The following ZNHIT6 variants were observed in gnomAD, a reference collection of about 807,000 sequenced individuals.
ZNHIT6 encodes the protein zinc finger HIT-type containing 6, also known as box C/D snoRNA protein 1.
In ZNHIT6, 45 loss-of-function variants were observed where a neutral mutation model predicts 57.2. The observed-to-expected ratio is 0.79, with a 90% CI of 0.62 to 1.01. The LOEUF (loss-of-function observed/expected upper bound fraction) is 1.01. Ranked by LOEUF, ZNHIT6 falls within the 50% of genes least tolerant of loss-of-function variation. The pLI is 0.00. For synonymous variants in ZNHIT6, 188 were observed against 190.0 expected (o/e 0.99, Z 0.09); for missense variants, 528 against 567.3 (o/e 0.93, Z 0.70).
rs1660859181 is a variant in ZNHIT6 at position 85,649,904 on chromosome 1, A to G, written c.*4154T>C. The G allele has an allele frequency of 2.6e-5, 4 of 152,230 alleles. No homozygotes were observed. In the South Asian group the frequency reaches 8.3e-4, roughly 32 times the overall value. 9.4% of individuals were successfully genotyped at this position (152,230 alleles called of 1,614,324 possible). ...ATAATGGCAACTCAAAGCAGCAATAATAAGAAGAAGAGATTAAAATCTCTA... is the reference window on the plus strand; with the variant it reads ...ATAATGGCAACTCAAAGCAGCAATAGTAAGAAGAAGAGATTAAAATCTCTA... On this transcript the variant is annotated 3_prime_UTR_variant, in exon 10 of 10. Coordinates refer to ENST00000370574, the MANE Select transcript of ZNHIT6 (RefSeq NM_017953.4).
At chr1:85,678,048 A>C (rs1242642447) in intron 7 of ZNHIT6, among the ~76,000 whole-genome samples, 1 of 152,210 alleles carries the variant, frequency 6.6e-6, no homozygotes, top group Non-Finnish European at 1.5e-5. Context: ...GATGAGAAAA[A>C]ATAAGGCCTG....
chr1:85,696,387 T>C (rs1390742616), intron 5 of ZNHIT6, among the ~76,000 whole-genome samples: 1 of 152,158 alleles, frequency 6.6e-6, no homozygotes, highest in East Asian at 1.9e-4. Flanking sequence ...GAACATGTCA[T>C]GGATAGTATT....
intron 4 of ZNHIT6, among the ~76,000 whole-genome samples, chr1:85,704,440 G>C (rs925532197): frequency 1.3e-5 from 2 of 152,056 alleles, no homozygotes; most frequent in Non-Finnish European, 2.9e-5. Context: ...AAAGAAATGA[G>C]AAAAGATCAG....
intron 8 of ZNHIT6, among the ~76,000 whole-genome samples, chr1:85,669,762 C>T (rs1369556862): frequency 6.6e-6 from 1 of 152,070 alleles, no homozygotes; most frequent in East Asian, 1.9e-4. Flanking sequence ...ATGCCCATGC[C>T]CTCCACTGGG....
chr1:85,694,540 C>T (rs943471748), intron 5 of ZNHIT6, among the ~76,000 whole-genome samples: 3 of 151,946 alleles, frequency 2.0e-5, no homozygotes, highest in African/African-American at 7.3e-5. Context: ...TGGCTCACTG[C>T]AAGCTCCGCC....
At chr1:85,687,068 G>A (rs1386271196) in intron 5 of ZNHIT6, among the ~76,000 whole-genome samples, 1 of 151,140 alleles carries the variant, frequency 6.6e-6, no homozygotes, top group Admixed American at 6.6e-5. Flanking sequence ...TCAGGAGTTC[G>A]AGACAAGCCT....
chr1:85,676,413 T>G (rs906590521), intron 8 of ZNHIT6, among the ~76,000 whole-genome samples: 4 of 152,122 alleles, frequency 2.6e-5, no homozygotes, highest in Non-Finnish European at 5.9e-5. Flanking sequence ...TTTAATTTCC[T>G]TCAAGAATTT....
At chr1:85,662,788 T>C (rs1661261939) in intron 8 of ZNHIT6, among the ~76,000 whole-genome samples, 2 of 152,176 alleles carry the variant, frequency 1.3e-5, no homozygotes, top group East Asian at 1.9e-4. Context: ...TCATGAATTG[T>C]GTAGTACAGA....
intron 5 of ZNHIT6, among the ~76,000 whole-genome samples, chr1:85,693,562 T>C (rs925773787): frequency 2.0e-5 from 3 of 152,140 alleles, no homozygotes; most frequent in Non-Finnish European, 4.4e-5. Flanking sequence ...TTTTCCAGAA[T>C]TGTCATATTT....
chr1:85,674,794 A>G lies in ZNHIT6; in HGVS notation c.1247+2442T>C, dbSNP rs555589012. On this transcript the variant is annotated intron_variant, in intron 8 of 9. Coordinates refer to ENST00000370574, the MANE Select transcript of ZNHIT6 (RefSeq NM_017953.4). The stretch of plus-strand genomic sequence containing the variant: ...TTAGTCTCACAAGCCTACTAAGAGA[A>G]TATCTCTGAGGGCTAATGTGTCCAC... Among the ~76,000 whole-genome samples, 9 of 152,312 alleles carry G rather than the reference A, an allele frequency of 5.9e-5. No homozygotes were observed. In the East Asian group the frequency reaches 1.5e-3, roughly 26 times the overall value.
At chr1:85,674,998 T>C (rs1661660230) in intron 8 of ZNHIT6, among the ~76,000 whole-genome samples, 1 of 152,184 alleles carries the variant, frequency 6.6e-6, no homozygotes, top group Admixed American at 6.5e-5. Flanking sequence ...AAATGTGTAC[T>C]GTAAGTCCAT....
At position 85,654,025 on chromosome 1, in the gene ZNHIT6, G is replaced by A; in HGVS notation, c.*33C>T. ...ATGCAGAGTCTGCTGCAGTTGTCTG[G>A]AAGTTTTCACTTTCTTCTTCCAGAA... is the stretch of plus-strand genomic sequence containing the variant. On this transcript the variant is annotated 3_prime_UTR_variant, in exon 10 of 10. Transcript: ENST00000370574. 1 of 1,604,898 alleles carries A rather than the reference G, an allele frequency of 6.2e-7. No homozygotes were observed. The highest frequency in any genetic ancestry group is 8.5e-7 in the Non-Finnish European group (1 of 1,173,568).
rs559873231 is a variant in ZNHIT6, at chr1:85,654,015, C to T, written c.*43G>A. Reference sequence around the variant, plus strand: ...CAGCCCATCAATGCAGAGTCTGCTGCAGTTGTCTGGAAGTTTTCACTTTCT... The same window carrying T: ...CAGCCCATCAATGCAGAGTCTGCTGTAGTTGTCTGGAAGTTTTCACTTTCT... On this transcript the variant is annotated 3_prime_UTR_variant, in exon 10 of 10. Coordinates refer to ENST00000370574, the MANE Select transcript of ZNHIT6 (RefSeq NM_017953.4). 3 of 1,578,472 alleles carry T rather than the reference C, an allele frequency of 1.9e-6. No individual in the cohort carries two copies. The highest frequency in any genetic ancestry group is 3.4e-5 in the Admixed American group (2 of 59,144).
intron 8 of ZNHIT6, among the ~76,000 whole-genome samples, chr1:85,664,759 C>A (rs776488012): frequency 6.6e-6 from 1 of 151,878 alleles, no homozygotes; most frequent in Non-Finnish European, 1.5e-5. Flanking sequence ...GTACACGTAC[C>A]CCTGAACCTA....
chr1:85,655,963 C>T (rs74097066), intron 9 of ZNHIT6, among the ~76,000 whole-genome samples: 5,872 of 152,146 alleles, frequency 0.039, 406 homozygotes, highest in African/African-American at 0.13. Context: ...CACATGTACC[C>T]CCAAATTAGG....
chr1:85,667,961 A>AGTATATATATATAT (rs1394453372), intron 8 of ZNHIT6, among the ~76,000 whole-genome samples: 1 of 18,200 alleles, frequency 5.5e-5, no homozygotes, highest in Non-Finnish European at 9.9e-5. Flanking sequence ...AAAAAAAAAA[A>AGTATATATATATAT]ATATATATAT....
At chr1:85,678,648 G>C in intron 7 of ZNHIT6, 53 bp downstream of exon 7, 2 of 1,192,832 alleles carry the variant, frequency 1.7e-6, no homozygotes, top group Non-Finnish European at 2.4e-6. Flanking sequence ...ACCCTAATAA[G>C]TACATCAACA....
chr1:85,693,292 G>A (rs1662268705), intron 5 of ZNHIT6, among the ~76,000 whole-genome samples: 1 of 152,134 alleles, frequency 6.6e-6, no homozygotes, highest in African/African-American at 2.4e-5. Context: ...TATTTACACA[G>A]ATGAGAAGTG....
chr1:85,653,793 T>C lies in ZNHIT6; in HGVS notation c.*265A>G. ...GTTTTCAGTTTATGGAATTAAGCAA[T>C]TAAGCATATTAAAAAGCCAGGGCCT... On this transcript the variant is annotated 3_prime_UTR_variant, in exon 10 of 10. Transcript: ENST00000370574. 2.8e-6 allele frequency: 1 copy of C among 361,458 alleles called. No individual in the cohort carries two copies. Among genetic ancestry groups the C allele is most frequent in the Non-Finnish European group, 4.9e-6 (1 of 204,118 alleles). The allele number at this position is 361,458 out of a possible 1,614,324, so 22.4% of individuals were successfully genotyped here. A position where few individuals can be genotyped will look rare whatever the true frequency, so the allele number is the denominator to read the frequency against.
Sources: allele counts gnomAD v4.1 joint callset (sites outside exome capture counted in the v4.1 genomes callset), GRCh38; gene constraint gnomAD v4.1.1; transcripts MANE v1.5; gene names NCBI Gene and HGNC (gene_info 2026-07-23, HGNC 2026-07-21).